The following HS3ST4 variants were observed in gnomAD, a reference collection of about 807,000 sequenced individuals.
The protein encoded by HS3ST4 is heparan sulfate glucosamine 3-O-sulfotransferase 4.
In HS3ST4, 17 loss-of-function variants were observed where a neutral mutation model predicts 29.2. The observed-to-expected ratio is 0.58, with a 90% CI of 0.40 to 0.87. The LOEUF is 0.87. Ranked by LOEUF, HS3ST4 falls within the 40% of genes least tolerant of loss-of-function variation. The pLI is 0.00. For missense variants in HS3ST4, 627 were observed against 634.5 expected, an observed-to-expected ratio of 0.99 and a Z score of 0.13; for synonymous variants, 314 against 285.7, an observed-to-expected ratio of 1.10 and a Z score of -1.00.
intron 1 of HS3ST4, among the ~76,000 whole-genome samples, chr16:26,013,398 T>G (rs997919603): frequency 6.6e-6 from 1 of 152,092 alleles, no homozygotes; most frequent in Non-Finnish European, 1.5e-5. Flanking sequence ...ATTATCTAGC[T>G]CAAGAGGTTG....
intron 1 of HS3ST4, among the ~76,000 whole-genome samples, chr16:26,047,917 T>G (rs1395412776): frequency 6.6e-6 from 1 of 152,170 alleles, no homozygotes; most frequent in East Asian, 1.9e-4. Flanking sequence ...TGAAAATGTC[T>G]GATGATGAGG....
chr16:25,891,863 C>T (rs1968011933), intron 1 of HS3ST4, among the ~76,000 whole-genome samples: 1 of 152,204 alleles, frequency 6.6e-6, no homozygotes, highest in African/African-American at 2.4e-5. Context: ...TCACCACTTA[C>T]TAGCTGAGTG....
At chr16:25,896,857 A>G (rs978938316) in intron 1 of HS3ST4, among the ~76,000 whole-genome samples, 1 of 152,214 alleles carries the variant, frequency 6.6e-6, no homozygotes, top group Non-Finnish European at 1.5e-5. Flanking sequence ...AGCAACAGGG[A>G]TGCAGCTGGA....
chr16:25,919,164 A>G (rs1968321612), intron 1 of HS3ST4, among the ~76,000 whole-genome samples: 1 of 152,076 alleles, frequency 6.6e-6, no homozygotes, highest in Non-Finnish European at 1.5e-5. Context: ...TAGCTGGGAC[A>G]CTACAGGTGC....
chr16:25,936,572 G>A (rs548676251), intron 1 of HS3ST4, among the ~76,000 whole-genome samples: 1 of 152,278 alleles, frequency 6.6e-6, no homozygotes, highest in East Asian at 1.9e-4. Flanking sequence ...TGAATTTAGC[G>A]AGTAATTAAT....
At chr16:26,060,887 G>A (rs755458797) in intron 1 of HS3ST4, among the ~76,000 whole-genome samples, 4 of 152,126 alleles carry the variant, frequency 2.6e-5, no homozygotes, top group Non-Finnish European at 4.4e-5. Flanking sequence ...CAGTTCCTCT[G>A]GCTTCTCACT....
chr16:26,042,754 T>C (rs1264826168), intron 1 of HS3ST4, among the ~76,000 whole-genome samples: 1 of 137,554 alleles, frequency 7.3e-6, no homozygotes, highest in African/African-American at 2.7e-5. Flanking sequence ...AGTGTGACTT[T>C]TTGTTCTCTC....
At chr16:25,957,667 C>A (rs1968750201) in intron 1 of HS3ST4, among the ~76,000 whole-genome samples, 2 of 152,162 alleles carry the variant, frequency 1.3e-5, no homozygotes, top group Non-Finnish European at 2.9e-5. Flanking sequence ...GATCTGCCCG[C>A]CTCGGCCTCC....
At chr16:25,855,203 T>C (rs1188378510) in intron 1 of HS3ST4, among the ~76,000 whole-genome samples, 2 of 152,134 alleles carry the variant, frequency 1.3e-5, no homozygotes, top group African/African-American at 4.8e-5. Flanking sequence ...TTGAAGATGG[T>C]AGAAAAAAAT....
At chr16:25,931,099 G>A (rs1329499382) in intron 1 of HS3ST4, among the ~76,000 whole-genome samples, 1 of 151,600 alleles carries the variant, frequency 6.6e-6, no homozygotes, top group Non-Finnish European at 1.5e-5. Context: ...ATAGAGTTTT[G>A]CTCCTTCCCT....
chr16:25,841,345 G>A (rs1168135299), intron 1 of HS3ST4, among the ~76,000 whole-genome samples: 2 of 152,126 alleles, frequency 1.3e-5, no homozygotes, highest in African/African-American at 4.8e-5. Context: ...TGTCACCCAG[G>A]CTGGAGTGCA....
At chr16:25,795,281 C>CCTTTT (rs113690618) in intron 1 of HS3ST4, among the ~76,000 whole-genome samples, 8 of 151,910 alleles carry the variant, frequency 5.3e-5, no homozygotes, top group African/African-American at 1.9e-4. Context: ...CCCCATCCCG[C>CCTTTT]CTTTTCTTTT....
intron 1 of HS3ST4, among the ~76,000 whole-genome samples, chr16:25,749,752 A>C (rs1228009856): frequency 6.6e-6 from 1 of 152,226 alleles, no homozygotes; most frequent in Non-Finnish European, 1.5e-5. Context: ...CTGGAAACAT[A>C]GACAGCTCTA....
intron 1 of HS3ST4, among the ~76,000 whole-genome samples, chr16:25,797,502 G>T (rs1966893234): frequency 6.6e-6 from 1 of 152,138 alleles, no homozygotes. Flanking sequence ...AGGGGCTTAG[G>T]ACACCAAAGA....
intron 1 of HS3ST4, among the ~76,000 whole-genome samples, chr16:25,858,759 G>A (rs1487575810): frequency 6.6e-6 from 1 of 151,878 alleles, no homozygotes; most frequent in Non-Finnish European, 1.5e-5. Flanking sequence ...CATTCACTTG[G>A]AATGGATTTT....
chr16:25,765,200 C>T (rs1966810473), intron 1 of HS3ST4, among the ~76,000 whole-genome samples: 1 of 152,158 alleles, frequency 6.6e-6, no homozygotes, highest in African/African-American at 2.4e-5. Context: ...TCCTTAGAAG[C>T]AGACTCTTTT....
At chr16:26,028,648 C>T (rs764775787) in intron 1 of HS3ST4, among the ~76,000 whole-genome samples, 9 of 152,178 alleles carry the variant, frequency 5.9e-5, no homozygotes, top group African/African-American at 9.7e-5. Flanking sequence ...ATGAGGGTGA[C>T]GTGGCAGCAA....
chr16:25,735,217 C>CTGG (rs1383334279), intron 1 of HS3ST4, among the ~76,000 whole-genome samples: 1 of 152,158 alleles, frequency 6.6e-6, no homozygotes, highest in Admixed American at 6.5e-5. Flanking sequence ...AGTCAGGACT[C>CTGG]TGACATCATG....
chr16:25,899,794 G>A (rs1567267975), intron 1 of HS3ST4, among the ~76,000 whole-genome samples: 1 of 151,842 alleles, frequency 6.6e-6, no homozygotes, highest in Admixed American at 6.6e-5. Flanking sequence ...AAAACCCCAT[G>A]AGGACTTCTC....
Sources: allele counts gnomAD v4.1 joint callset (sites outside exome capture counted in the v4.1 genomes callset), GRCh38; gene constraint gnomAD v4.1.1; transcripts MANE v1.5; gene names NCBI Gene and HGNC (gene_info 2026-07-23, HGNC 2026-07-21).